The following C22orf31 variants were observed in gnomAD, a reference collection of about 807,000 sequenced individuals.
C22orf31 encodes chromosome 22 open reading frame 31.
C22orf31 carries 11 observed loss-of-function variants against 15.0 expected under a neutral mutation model. The observed-to-expected ratio is 0.73, with a 90% CI of 0.46 to 1.21. The LOEUF is 1.21. Ranked by LOEUF, C22orf31 falls within the 50% of genes most tolerant of loss-of-function variation. The pLI is 0.00. For synonymous variants in C22orf31, 132 were observed against 133.3 expected (o/e 0.99, Z 0.07); for missense variants, 340 against 347.2 (o/e 0.98, Z 0.17).
chr22:29,062,956 G>C (rs1483716229), upstream of C22orf31, among the ~76,000 whole-genome samples: 1 of 151,946 alleles, frequency 6.6e-6, no homozygotes, highest in Non-Finnish European at 1.5e-5. Flanking sequence ...GGTCAGTCTT[G>C]GAAAAATGGC....
upstream of C22orf31, among the ~76,000 whole-genome samples, chr22:29,065,282 A>G (rs951970607): frequency 2.6e-5 from 4 of 152,146 alleles, no homozygotes; most frequent in South Asian, 2.1e-4. Flanking sequence ...ATGTACATCA[A>G]TCTGGTTTAT....
the C22orf31 span, among the ~76,000 whole-genome samples, chr22:29,071,807 C>G: frequency 6.6e-6 from 1 of 152,164 alleles, no homozygotes; most frequent in Non-Finnish European, 1.5e-5. Context: ...ACGCTGGGGC[C>G]GAAAGTTTAA....
the C22orf31 span, among the ~76,000 whole-genome samples, chr22:29,068,842 G>A: frequency 1.4e-4 from 20 of 143,100 alleles, no homozygotes; most frequent in African/African-American, 4.5e-4. Context: ...TCGGCTCACT[G>A]CAACCTCTGT....
upstream of C22orf31, among the ~76,000 whole-genome samples, chr22:29,062,353 G>A (rs2235205): frequency 0.019 from 2,932 of 152,232 alleles, 187 homozygotes; most frequent in South Asian, 0.18. Context: ...GAAAGAACAC[G>A]TTCCTGCAGA....
In C22orf31 at chr22:29,060,990, CT is replaced by C. The variant is rs111373865; in HGVS notation, c.4-148del. On this transcript the variant is annotated intron_variant, in intron 1 of 2. Coordinates refer to ENST00000216071, the MANE Select transcript of C22orf31 (RefSeq NM_015370.2). ...TTAGAAATTTACTATATGTCCTCTC[CT>C]GTTCACCAAAGCCTTTTATACCAAG... 12,769 of 673,384 alleles carry C rather than the reference CT, an allele frequency of 0.019. 1,279 individuals carry two copies. In the African/African-American group the frequency reaches 0.21, roughly 11 times the overall value. The allele number at this position is 673,384 out of a possible 1,614,324, so 41.7% of individuals were successfully genotyped here.
the C22orf31 span, among the ~76,000 whole-genome samples, chr22:29,068,226 C>T: frequency 3.3e-5 from 5 of 151,552 alleles, no homozygotes; most frequent in African/African-American, 4.9e-5. Flanking sequence ...ACATTATAGG[C>T]GCATGCCCTG....
chr22:29,068,335 C>T, the C22orf31 span, among the ~76,000 whole-genome samples: 5 of 151,896 alleles, frequency 3.3e-5, no homozygotes, highest in African/African-American at 1.2e-4. Flanking sequence ...AGTGATCCAC[C>T]CGCTTCAGCC....
chr22:29,058,910 G>A lies in C22orf31; in HGVS notation c.705C>T (p.Tyr235=), dbSNP rs374345401. 3.8e-5 allele frequency: 62 copies of A among 1,614,092 alleles called. No individual in the cohort carries two copies. Among genetic ancestry groups the A allele is most frequent in the Non-Finnish European group, 4.7e-5 (55 of 1,180,038 alleles). The stretch of plus-strand genomic sequence containing the variant: ...TAATGGCCTTGCCCAGCTCCAGGCT[G>A]TACCTCTTGGGGGTCCCTGAAGGAT... The part of the protein sequence containing the change: ...LWNPSGTPKR[Y]SLELGKAIKQ... Residue 235 remains tyrosine (Y), a synonymous_variant, in exon 3 of 3, where the codon TAC becomes TAT. Transcript: ENST00000216071.
upstream of C22orf31, among the ~76,000 whole-genome samples, chr22:29,062,613 G>A (rs189005265): frequency 2.8e-4 from 43 of 152,108 alleles, no homozygotes; most frequent in Non-Finnish European, 1.2e-4. Flanking sequence ...TCCTGAGGGG[G>A]AGGCCAGTGA....
chr22:29,066,353 G>C (rs940757568), upstream of C22orf31, among the ~76,000 whole-genome samples: 3 of 152,090 alleles, frequency 2.0e-5, no homozygotes, highest in Non-Finnish European at 2.9e-5. Flanking sequence ...AATTGGAAAA[G>C]ATTCCTGAAC....
intron 1 of C22orf31, 33 bp downstream of exon 1, chr22:29,061,757 G>C: frequency 1.3e-6 from 2 of 1,485,254 alleles, no homozygotes; most frequent in East Asian, 2.3e-5. Context: ...GGCTTTCTAA[G>C]AAATGTCATC....
At chr22:29,073,144 C>T in the C22orf31 span, 1 of 1,103,258 alleles carries the variant, frequency 9.1e-7, no homozygotes, top group Non-Finnish European at 1.1e-6. The surrounding 1 kb of genome is among the most constrained non-coding windows in gnomAD (Gnocchi z 4.4). Flanking sequence ...GCGCCGCCAG[C>T]CGCCCGCCTC....
intron 2 of C22orf31, chr22:29,059,662 G>C (rs2037361349): frequency 3.0e-6 from 3 of 983,960 alleles, no homozygotes; most frequent in Non-Finnish European, 3.6e-6. Flanking sequence ...ATGGCCTGCT[G>C]GCCACCACGG....
At chr22:29,064,879 A>T (rs1288299660), upstream of C22orf31, among the ~76,000 whole-genome samples, 7 of 147,330 alleles carry the variant, frequency 4.8e-5, no homozygotes. Flanking sequence ...TTTGAGATGG[A>T]GTCCCAATCT....
chr22:29,071,644 G>C, the C22orf31 span, among the ~76,000 whole-genome samples: 1 of 152,162 alleles, frequency 6.6e-6, no homozygotes, highest in Non-Finnish European at 1.5e-5. Context: ...GCCCCGCCGG[G>C]CGTCACCGCT....
intron 2 of C22orf31, 35 bp from the exon 3 acceptor site, chr22:29,059,217 A>G: frequency 1.4e-6 from 2 of 1,464,002 alleles, no homozygotes; most frequent in African/African-American, 1.4e-5. Flanking sequence ...TCAAAGCTAA[A>G]ACTTGAGAGG....
In C22orf31 at chr22:29,060,785, A is replaced by G. The variant is rs752764046; in HGVS notation, c.62T>C (p.Ile21Thr). 15 of 1,613,948 alleles carry G rather than the reference A, an allele frequency of 9.3e-6. No individual in the cohort carries two copies. The highest frequency in any genetic ancestry group is 2.2e-5 in the South Asian group (2 of 91,082). Reference sequence around the variant, plus strand: ...GTCCTGAAGCCTGGTATTTAATAAGATGGACTGTCGGAGTCCATAGATAGG... The same window carrying G: ...GTCCTGAAGCCTGGTATTTAATAAGGTGGACTGTCGGAGTCCATAGATAGG... ...SIPIYGLRQS[I>T]LLNTRLQDCY... Residue 21 changes from isoleucine to threonine, a missense_variant, in exon 2 of 3, where the codon ATC becomes ACC. Ile to Thr is a moderately conservative substitution (Grantham distance 89). Transcript: ENST00000216071.
chr22:29,073,053 G>A, the C22orf31 span: 1 of 279,630 alleles, frequency 3.6e-6, no homozygotes, highest in Non-Finnish European at 5.4e-6. This position sits in a 1 kb window ranked among gnomAD's most constrained non-coding sequence, Gnocchi z 4.4. Context: ...CCCGCGTCCT[G>A]CTCCCATGGC....
chr22:29,061,913 T>A, upstream of C22orf31: 2 of 796,044 alleles, frequency 2.5e-6, no homozygotes, highest in Non-Finnish European at 4.0e-6. Flanking sequence ...TCTAGTCACC[T>A]GTCTTTCTCT....
Sources: allele counts gnomAD v4.1 joint callset (sites outside exome capture counted in the v4.1 genomes callset), GRCh38; gene constraint gnomAD v4.1.1; non-coding constraint Gnocchi (gnomAD v3.1); transcripts MANE v1.5; gene names NCBI Gene and HGNC (gene_info 2026-07-23, HGNC 2026-07-21).